HOMER2: variants seen among roughly 807,000 people sequenced by gnomAD.
HOMER2 encodes homer protein homolog 2.
A neutral mutation model predicts 47.0 loss-of-function variants in HOMER2; 27 were observed. That is an observed-to-expected ratio of 0.57 (90% CI 0.42 to 0.79). The LOEUF (loss-of-function observed/expected upper bound fraction) is 0.79. Ranked by LOEUF, HOMER2 falls within the 30% of genes least tolerant of loss-of-function variation. The pLI is 0.00. For missense variants in HOMER2, 443 were observed against 435.0 expected, an observed-to-expected ratio of 1.02 and a Z score of -0.16; for synonymous variants, 161 against 163.8, an observed-to-expected ratio of 0.98 and a Z score of 0.13.
chr15:82,896,675 G>C (rs1383614850), intron 1 of HOMER2, among the ~76,000 whole-genome samples: 1 of 152,022 alleles, frequency 6.6e-6, no homozygotes, highest in Non-Finnish European at 1.5e-5. Context: ...TGGCCCTCCA[G>C]AGGCCAAAGA....
chr15:82,901,282 T>C (rs762729126), intron 1 of HOMER2, among the ~76,000 whole-genome samples: 94 of 151,898 alleles, frequency 6.2e-4, no homozygotes, highest in Non-Finnish European at 4.0e-4. Flanking sequence ...AAAGCTGAGA[T>C]GGAAAACAAA....
intron 4 of HOMER2, among the ~76,000 whole-genome samples, chr15:82,859,965 C>G (rs1010028206): frequency 6.6e-6 from 1 of 151,980 alleles, no homozygotes; most frequent in African/African-American, 2.4e-5. Flanking sequence ...AACAAAATGT[C>G]GGCCGGGCGC....
chr15:82,862,782 T>C (rs186240223), intron 4 of HOMER2, among the ~76,000 whole-genome samples: 112 of 152,254 alleles, frequency 7.4e-4, no homozygotes, highest in African/African-American at 2.6e-3. Flanking sequence ...GAACAAGGTA[T>C]TGGAAAGACA....
At chr15:82,900,981 C>A (rs536231949) in intron 1 of HOMER2, among the ~76,000 whole-genome samples, 10 of 152,294 alleles carry the variant, frequency 6.6e-5, no homozygotes, top group African/African-American at 2.4e-4. Context: ...GAGGCAAGTG[C>A]CGCTGATGAA....
chr15:82,895,279 C>T (rs371759500), intron 1 of HOMER2, among the ~76,000 whole-genome samples: 8 of 152,056 alleles, frequency 5.3e-5, no homozygotes, highest in Non-Finnish European at 1.0e-4. Flanking sequence ...CCCACACACT[C>T]GATGCTAAAC....
chr15:82,937,887 A>ATCTG, intron 1 of HOMER2, among the ~76,000 whole-genome samples: 3 of 152,214 alleles, frequency 2.0e-5, no homozygotes, highest in Non-Finnish European at 4.4e-5. Flanking sequence ...CACACCATCT[A>ATCTG]CCAGTGGCCA....
At position 82,919,157 on chromosome 15, in the gene HOMER2, G is replaced by A. The variant is rs1224550260; in HGVS notation, c.6-26316C>T. On this transcript the variant is annotated intron_variant, in intron 1 of 8. Coordinates refer to ENST00000450735, the MANE Select transcript of HOMER2 (RefSeq NM_004839.4). ...ATGTGTCCGTGACACTAAAAAGATT[G>A]GGAAACACTGACCTAGATTACACCA... is the stretch of plus-strand genomic sequence containing the variant. 2.0e-5 allele frequency among the ~76,000 whole-genome samples: 3 copies of A among 152,274 alleles called. No homozygotes were observed. In the East Asian group the frequency reaches 5.8e-4, roughly 29 times the overall value.
At chr15:82,933,752 T>C (rs368616600) in intron 1 of HOMER2, among the ~76,000 whole-genome samples, 2 of 152,176 alleles carry the variant, frequency 1.3e-5, no homozygotes, top group East Asian at 1.9e-4. Flanking sequence ...TCTTCAGAGT[T>C]TGAGGCAGCA....
At chr15:82,850,124 CCCA>C (rs1398321036) in intron 8 of HOMER2, among the ~76,000 whole-genome samples, 1 of 152,362 alleles carries the variant, frequency 6.6e-6, no homozygotes, top group East Asian at 1.9e-4. Flanking sequence ...TGCCTGCTCT[CCCA>C]CAGAGGGACC....
At chr15:82,910,075 G>C (rs1450676012) in intron 1 of HOMER2, among the ~76,000 whole-genome samples, 1 of 126,588 alleles carries the variant, frequency 7.9e-6, no homozygotes, top group Non-Finnish European at 1.6e-5. Context: ...AGAAGTTGCA[G>C]TAAGCTGAGA....
intron 1 of HOMER2, among the ~76,000 whole-genome samples, chr15:82,936,852 C>T (rs368281238): frequency 3.9e-5 from 6 of 152,078 alleles, no homozygotes; most frequent in African/African-American, 1.4e-4. Context: ...CATGCCTGGC[C>T]AGCTCTCCTA....
chr15:82,897,996 G>A (rs912291690), intron 1 of HOMER2, among the ~76,000 whole-genome samples: 2 of 152,210 alleles, frequency 1.3e-5, no homozygotes, highest in Non-Finnish European at 2.9e-5. Flanking sequence ...AAGAGACACT[G>A]TCCTTCACAG....
chr15:82,908,881 G>T (rs1178103093), intron 1 of HOMER2, among the ~76,000 whole-genome samples: 2 of 152,140 alleles, frequency 1.3e-5, no homozygotes, highest in Admixed American at 1.3e-4. Flanking sequence ...AACTGGAAGA[G>T]ATGTTGGGAA....
At chr15:82,902,123 G>A (rs895991583) in intron 1 of HOMER2, among the ~76,000 whole-genome samples, 37 of 149,494 alleles carry the variant, frequency 2.5e-4, no homozygotes, top group Non-Finnish European at 2.8e-4. Flanking sequence ...CATGAACAAA[G>A]GAAGTTTTAA....
chr15:82,898,178 C>A (rs951363461), intron 1 of HOMER2, among the ~76,000 whole-genome samples: 1 of 152,200 alleles, frequency 6.6e-6, no homozygotes, highest in Admixed American at 6.5e-5. Flanking sequence ...AGAGACCTCA[C>A]CACAAAATTC....
chr15:82,950,941 G>T (rs1288193118), intron 1 of HOMER2, among the ~76,000 whole-genome samples: 1 of 152,272 alleles, frequency 6.6e-6, no homozygotes, highest in South Asian at 2.1e-4. Context: ...TGTTGGCCAG[G>T]GGGAGGGAGG....
intron 1 of HOMER2, chr15:82,898,346 A>G (rs914129289): frequency 1.3e-5 from 2 of 152,154 alleles, no homozygotes; most frequent in African/African-American, 4.8e-5. Flanking sequence ...TTTCCTTCCC[A>G]GCAGGGAAAA....
At chr15:82,904,986 A>AT (rs957205962) in intron 1 of HOMER2, among the ~76,000 whole-genome samples, 16 of 152,208 alleles carry the variant, frequency 1.1e-4, no homozygotes, top group Non-Finnish European at 2.2e-4. Flanking sequence ...CAGACCAGGA[A>AT]TTTTTTTAAA....
chr15:82,878,329 G>C lies in HOMER2; in HGVS notation c.163-2925C>G, dbSNP rs556987983. Among the ~76,000 whole-genome samples, 4 of 152,232 alleles carry C rather than the reference G, an allele frequency of 2.6e-5. No individual in the cohort carries two copies. In the South Asian group the frequency reaches 8.3e-4, roughly 32 times the overall value. On this transcript the variant is annotated intron_variant, in intron 2 of 8. Coordinates refer to ENST00000450735, the MANE Select transcript of HOMER2 (RefSeq NM_004839.4). ...TTAGTTTCTAGGGCACTTTTTCACAGTCTTTAACCCCCATTTTTTTCAGAT... is the reference window on the plus strand; with the variant it reads ...TTAGTTTCTAGGGCACTTTTTCACACTCTTTAACCCCCATTTTTTTCAGAT...
Sources: gnomAD v4.1 joint callset for allele counts (sites outside exome capture counted in the v4.1 genomes callset) on GRCh38, gnomAD v4.1.1 for gene constraint, MANE v1.5 for transcripts, NCBI Gene and HGNC (gene_info 2026-07-23, HGNC 2026-07-21) for gene names.